The following PTPRZ1 variants were observed in gnomAD, a reference collection of about 807,000 sequenced individuals.
PTPRZ1 encodes the protein receptor-type tyrosine-protein phosphatase zeta.
In PTPRZ1, 82 loss-of-function variants were observed where a neutral mutation model predicts 214.1. The ratio of observed to expected loss-of-function variants is 0.38; its 90% confidence interval spans 0.32 to 0.46. PTPRZ1 has a LOEUF of 0.46. Ranked by LOEUF, PTPRZ1 falls within the 20% of genes least tolerant of loss-of-function variation. The pLI is 1.00. For synonymous variants in PTPRZ1, 945 were observed against 987.9 expected, an observed-to-expected ratio of 0.96 and a Z score of 0.81; for missense variants, 2,603 against 2,748.7, an observed-to-expected ratio of 0.95 and a Z score of 1.19.
intron 8 of PTPRZ1, among the ~76,000 whole-genome samples, chr7:121,986,394 T>G (rs1261959650): frequency 2.6e-5 from 4 of 152,212 alleles, no homozygotes; most frequent in African/African-American, 9.6e-5. Flanking sequence ...GGAACATAAT[T>G]TCTGCTTACA....
At chr7:121,938,583 T>C (rs1796155449) in intron 2 of PTPRZ1, among the ~76,000 whole-genome samples, 1 of 152,196 alleles carries the variant, frequency 6.6e-6, no homozygotes, top group South Asian at 2.1e-4. Context: ...GATGTTTGCA[T>C]TTCATAAGGA....
In PTPRZ1 at chr7:121,873,549, G is replaced by A; in HGVS notation, c.50G>A (p.Cys17Tyr). 1.2e-6 allele frequency: 2 copies of A among 1,613,856 alleles called. No individual in the cohort carries two copies. The highest frequency in any genetic ancestry group is 8.5e-7 in the Non-Finnish European group (1 of 1,180,014). The change falls in exon 1 of 30, where the codon TGC becomes TAC. Residue 17 changes from cysteine (C) to tyrosine (Y), a missense_variant. Transcript: ENST00000393386. ...GCTTGCATTCAGCTCCTCTGTGTTT[G>A]CCGCCTGGGTGAGTGAGAAGAGCTC... Reference protein sequence around the residue: ...FLACIQLLCVCRLDWANGYYR... With the variant: ...FLACIQLLCVYRLDWANGYYR...
intron 1 of PTPRZ1, among the ~76,000 whole-genome samples, chr7:121,906,633 T>A (rs1270663070): frequency 6.6e-6 from 1 of 152,128 alleles, no homozygotes; most frequent in Admixed American, 6.6e-5. Context: ...ATAAGATTTG[T>A]TTGAAGGGGC....
chr7:122,061,743 A>G lies in PTPRZ1; in HGVS notation c.*523A>G, dbSNP rs1792583286. 6.6e-6 allele frequency: 1 copy of G among 152,572 alleles called. No homozygotes were observed. The highest frequency in any genetic ancestry group is 2.1e-4 in the South Asian group (1 of 4,826). 9.5% of individuals were successfully genotyped at this position (152,572 alleles called of 1,614,324 possible). A position where few individuals can be genotyped will look rare whatever the true frequency, so the allele number is the denominator to read the frequency against. On this transcript the variant is annotated 3_prime_UTR_variant, in exon 30 of 30. Transcript: ENST00000393386. The stretch of plus-strand genomic sequence containing the variant: ...CCTAGTGTCTCCATGGACCAAATTT[A>G]TATTTATAATTGTAGATTTTTATAT...
At chr7:122,041,580 T>G (rs1189819784) in intron 21 of PTPRZ1, among the ~76,000 whole-genome samples, 1 of 152,200 alleles carries the variant, frequency 6.6e-6, no homozygotes, top group Non-Finnish European at 1.5e-5. Flanking sequence ...ATAATGATGT[T>G]TCAATGAAAG....
intron 12 of PTPRZ1, among the ~76,000 whole-genome samples, chr7:122,018,188 C>T (rs1324828428): frequency 6.6e-6 from 1 of 152,158 alleles, no homozygotes; most frequent in East Asian, 1.9e-4. Flanking sequence ...GCACTGTCAG[C>T]ATGCTGTAAT....
chr7:122,053,391 T>C (rs1485807046), intron 25 of PTPRZ1, among the ~76,000 whole-genome samples: 1 of 152,082 alleles, frequency 6.6e-6, no homozygotes, highest in Non-Finnish European at 1.5e-5. Context: ...TATGGAGCAG[T>C]TTTGTAAGTT....
At chr7:121,934,844 T>G (rs1443499670) in intron 2 of PTPRZ1, among the ~76,000 whole-genome samples, 1 of 152,198 alleles carries the variant, frequency 6.6e-6, no homozygotes, top group African/African-American at 2.4e-5. Flanking sequence ...TGCTAGATAA[T>G]GGTGACTAAA....
intron 8 of PTPRZ1, among the ~76,000 whole-genome samples, chr7:121,991,848 A>AGG (rs1394890597): frequency 1.3e-5 from 2 of 152,212 alleles, no homozygotes; most frequent in Non-Finnish European, 2.9e-5. Flanking sequence ...CATTTGTGTC[A>AGG]ATGTTTACAT....
At chr7:122,053,768 A>G in intron 25 of PTPRZ1, 142 bp from the exon 26 acceptor site, 3 of 1,015,520 alleles carry the variant, frequency 3.0e-6, no homozygotes, top group Non-Finnish European at 4.2e-6. Context: ...AGCATTGGCT[A>G]TAATAATCAT....
chr7:121,966,320 A>T (rs1471668101), intron 2 of PTPRZ1, among the ~76,000 whole-genome samples: 1 of 152,234 alleles, frequency 6.6e-6, no homozygotes, highest in Admixed American at 6.5e-5. Flanking sequence ...CACCACAACT[A>T]TGTAACTCTT....
intron 11 of PTPRZ1, 88 bp downstream of exon 11, chr7:122,004,748 A>G: frequency 1.4e-6 from 1 of 739,080 alleles, no homozygotes; most frequent in Non-Finnish European, 2.2e-6. Context: ...TGCCACATGA[A>G]TAGAAGTTGT....
chr7:122,021,603 A>G (rs1246819009), intron 13 of PTPRZ1, among the ~76,000 whole-genome samples: 2 of 152,078 alleles, frequency 1.3e-5, no homozygotes, highest in African/African-American at 4.8e-5. Context: ...TTAGCTGGGC[A>G]TGGTAGGGCA....
intron 3 of PTPRZ1, among the ~76,000 whole-genome samples, chr7:121,971,078 G>GT (rs1797230501): frequency 6.6e-6 from 1 of 151,984 alleles, no homozygotes; most frequent in South Asian, 2.1e-4. Flanking sequence ...CCCATTTCTT[G>GT]TTTTTTTCAG....
chr7:122,010,105 A>C (rs942312167), intron 11 of PTPRZ1, among the ~76,000 whole-genome samples: 30 of 152,136 alleles, frequency 2.0e-4, no homozygotes, highest in Non-Finnish European at 4.0e-4. Flanking sequence ...TTTCCATAGC[A>C]TTAAAATAAA....
chr7:121,946,444 A>G (rs1427728070), intron 2 of PTPRZ1, among the ~76,000 whole-genome samples: 1 of 152,166 alleles, frequency 6.6e-6, no homozygotes, highest in Non-Finnish European at 1.5e-5. Flanking sequence ...AATCCTAAAA[A>G]CAGTTGTCAT....
At chr7:121,898,997 G>A (rs909313990) in intron 1 of PTPRZ1, among the ~76,000 whole-genome samples, 2 of 152,116 alleles carry the variant, frequency 1.3e-5, no homozygotes, top group Non-Finnish European at 2.9e-5. Flanking sequence ...TATAAAGCCT[G>A]ATATTATTGC....
intron 11 of PTPRZ1, among the ~76,000 whole-genome samples, chr7:122,007,450 G>C (rs1798526246): frequency 1.3e-5 from 2 of 152,042 alleles, no homozygotes; most frequent in African/African-American, 4.8e-5. Context: ...ATTAACTATT[G>C]TATTAATAAT....
At chr7:121,877,950 GTATA>G (rs199900822) in intron 1 of PTPRZ1, among the ~76,000 whole-genome samples, 5 of 148,992 alleles carry the variant, frequency 3.4e-5, no homozygotes, top group African/African-American at 1.2e-4. Context: ...ACATAAAAGT[GTATA>G]TATATATATG....
Sources: gnomAD v4.1 joint callset for allele counts (sites outside exome capture counted in the v4.1 genomes callset) on GRCh38, gnomAD v4.1.1 for gene constraint, MANE v1.5 for transcripts, NCBI Gene and HGNC (gene_info 2026-07-23, HGNC 2026-07-21) for gene names.